DIAPH3: variants seen among roughly 807,000 people sequenced by gnomAD.
The protein encoded by DIAPH3 is protein diaphanous homolog 3.
A neutral mutation model predicts 144.3 loss-of-function variants in DIAPH3; 117 were observed. The observed-to-expected ratio is 0.81, with a 90% CI of 0.70 to 0.95. The LOEUF (loss-of-function observed/expected upper bound fraction) is 0.95, where lower values mean the gene tolerates loss of function less well. DIAPH3 is among the 40% of genes least tolerant of loss of function. DIAPH3 has a pLI of 0.00. For synonymous variants in DIAPH3, 519 were observed against 488.9 expected (o/e 1.06, Z -0.81); for missense variants, 1,421 against 1,412.7 (o/e 1.01, Z -0.09).
chr13:59,689,470 G>T (rs997477759), intron 27 of DIAPH3, among the ~76,000 whole-genome samples: 1 of 152,048 alleles, frequency 6.6e-6, no homozygotes, highest in African/African-American at 2.4e-5. Flanking sequence ...GCTCCTAATA[G>T]AGAATAAAAT....
chr13:59,830,153 G>A lies in DIAPH3; in HGVS notation c.3027+2954C>T, dbSNP rs116457234. On this transcript the variant is annotated intron_variant, in intron 24 of 27. Coordinates refer to ENST00000400324, the MANE Select transcript of DIAPH3 (RefSeq NM_001042517.2). ...CCTGATTTTCAAAGTTGAATAATAC[G>A]GAATTAAAGAGCAACCTAAGAGATC... is the stretch of plus-strand genomic sequence containing the variant. Among the ~76,000 whole-genome samples, 686 of 151,854 alleles carry A rather than the reference G, an allele frequency of 4.5e-3. 8 individuals are homozygous for A. Among genetic ancestry groups the A allele is most frequent in the African/African-American group, 0.014 (600 of 41,462 alleles).
At chr13:60,106,988 C>T (rs942775962) in intron 3 of DIAPH3, among the ~76,000 whole-genome samples, 3 of 152,064 alleles carry the variant, frequency 2.0e-5, no homozygotes, top group Non-Finnish European at 2.9e-5. Context: ...AAAAACATAA[C>T]TGAATGCAAC....
chr13:59,796,652 T>C (rs2039623421), intron 25 of DIAPH3, among the ~76,000 whole-genome samples: 1 of 152,248 alleles, frequency 6.6e-6, no homozygotes, highest in South Asian at 2.1e-4. Context: ...TCAGTAACTT[T>C]TTCTAAACAT....
intron 20 of DIAPH3, among the ~76,000 whole-genome samples, chr13:59,909,502 A>AC (rs1036985639): frequency 4.7e-4 from 71 of 152,328 alleles, no homozygotes; most frequent in African/African-American, 1.7e-3. Context: ...TTACTATTTG[A>AC]CAAAAAATAA....
intron 27 of DIAPH3, among the ~76,000 whole-genome samples, chr13:59,764,343 A>T (rs894619913): frequency 1.3e-5 from 2 of 151,560 alleles, no homozygotes; most frequent in Non-Finnish European, 2.9e-5. Context: ...CTCCTTTTCC[A>T]GTCCCATTTT....
chr13:59,818,266 T>C (rs1006872562), intron 24 of DIAPH3, among the ~76,000 whole-genome samples: 1 of 151,916 alleles, frequency 6.6e-6, no homozygotes, highest in Non-Finnish European at 1.5e-5. Flanking sequence ...CATAAGGATG[T>C]TGATGAAAAA....
At chr13:60,016,355 C>G (rs1316547323) in intron 5 of DIAPH3, among the ~76,000 whole-genome samples, 1 of 152,180 alleles carries the variant, frequency 6.6e-6, no homozygotes, top group African/African-American at 2.4e-5. Flanking sequence ...TCCGCTTGCA[C>G]AGGCTTGTAA....
intron 24 of DIAPH3, among the ~76,000 whole-genome samples, chr13:59,826,031 C>T (rs1176426044): frequency 2.6e-5 from 4 of 152,180 alleles, no homozygotes; most frequent in Middle Eastern, 3.4e-3. Flanking sequence ...GGACATATCT[C>T]AAAATAATAA....
At chr13:59,863,002 A>C (rs2043690077) in intron 21 of DIAPH3, among the ~76,000 whole-genome samples, 1 of 152,186 alleles carries the variant, frequency 6.6e-6, no homozygotes, top group Non-Finnish European at 1.5e-5. Flanking sequence ...TTAGTTGATC[A>C]AATTAACATA....
rs2046060052 is a variant in DIAPH3 at position 59,895,795 on chromosome 13, C to A, written c.2367+15940G>T. Among the ~76,000 whole-genome samples the A allele has an allele frequency of 2.0e-5, 3 of 152,226 alleles. No homozygotes were observed. In the South Asian group the frequency reaches 6.2e-4, roughly 32 times the overall value. On this transcript the variant is annotated intron_variant, in intron 20 of 27. Coordinates refer to ENST00000400324, the MANE Select transcript of DIAPH3 (RefSeq NM_001042517.2). ...TACTCAAGAGAAGTCAGTGGTCAGG[C>A]CACAAGAATAATGAGCCAGACGAGG... is the stretch of plus-strand genomic sequence containing the variant.
chr13:59,666,410 C>A lies in DIAPH3; in HGVS notation c.*174G>T. On this transcript the variant is annotated 3_prime_UTR_variant, in exon 28 of 28. Coordinates refer to ENST00000400324, the MANE Select transcript of DIAPH3 (RefSeq NM_001042517.2). Reference sequence around the variant, plus strand: ...CGGTACAATCTTGAATAAACCAAAACCTCCAGTACATAGAAAAAGCATTGC... The same window carrying A: ...CGGTACAATCTTGAATAAACCAAAAACTCCAGTACATAGAAAAAGCATTGC... 17 of 707,468 alleles carry A rather than the reference C, an allele frequency of 2.4e-5. No homozygotes were observed. Among genetic ancestry groups the A allele is most frequent in the East Asian group, 3.0e-5 (1 of 33,368 alleles). The allele number at this position is 707,468 out of a possible 1,614,324, so 43.8% of individuals were successfully genotyped here. A position where few individuals can be genotyped will look rare whatever the true frequency, so the allele number is the denominator to read the frequency against.
At chr13:59,746,552 A>G (rs898834138) in intron 27 of DIAPH3, among the ~76,000 whole-genome samples, 1 of 152,120 alleles carries the variant, frequency 6.6e-6, no homozygotes, top group Non-Finnish European at 1.5e-5. Context: ...GTCACCCTCA[A>G]GACTTTAACC....
chr13:59,895,430 G>GAAAAAAAAAAAAAAAAAAAAAAAAAAAA (rs529308484), intron 20 of DIAPH3, among the ~76,000 whole-genome samples: 1 of 75,944 alleles, frequency 1.3e-5, no homozygotes, highest in African/African-American at 5.1e-5. Context: ...AATGTTAAAG[G>GAAAAAAAAAAAAAAAAAAAAAAAAAAAA]AAAAAAAAAA....
chr13:59,888,767 G>T (rs1290241440), intron 20 of DIAPH3, among the ~76,000 whole-genome samples: 1 of 151,978 alleles, frequency 6.6e-6, no homozygotes, highest in African/African-American at 2.4e-5. Flanking sequence ...TGTAGGGTAG[G>T]AATTACTGTC....
At chr13:59,860,286 T>TA (rs1165390116) in intron 22 of DIAPH3, among the ~76,000 whole-genome samples, 1 of 151,538 alleles carries the variant, frequency 6.6e-6, no homozygotes, top group Admixed American at 6.6e-5. Flanking sequence ...AAAAAGAAAA[T>TA]AAAGAGGTTA....
chr13:59,873,397 G>A (rs1446422819), intron 21 of DIAPH3, among the ~76,000 whole-genome samples: 1 of 152,094 alleles, frequency 6.6e-6, no homozygotes, highest in African/African-American at 2.4e-5. Flanking sequence ...TCACAAAAAC[G>A]ACTCACAGTG....
intron 18 of DIAPH3, among the ~76,000 whole-genome samples, chr13:59,922,099 A>G (rs1041577231): frequency 3.3e-5 from 5 of 152,110 alleles, no homozygotes; most frequent in African/African-American, 1.2e-4. Context: ...TACAGCTATC[A>G]TCATAACAAA....
chr13:59,748,163 A>G (rs1272458517), intron 27 of DIAPH3, among the ~76,000 whole-genome samples: 1 of 152,144 alleles, frequency 6.6e-6, no homozygotes, highest in Non-Finnish European at 1.5e-5. Flanking sequence ...CTAAGTTTGA[A>G]TATTATGTAC....
rs75345039 is a variant in DIAPH3 at position 59,927,748 on chromosome 13, A to G, written c.2075-2878T>C. Among the ~76,000 whole-genome samples the G allele has an allele frequency of 4.5e-3, 690 of 152,264 alleles. 22 individuals are homozygous for G. The East Asian group carries it at 0.072, about 16-fold the overall frequency. ...GTAAATTTTCTGCTAAAAAAAATTG[A>G]TGTTGGTCTGATGGGCATTCTCTTA... is the stretch of plus-strand genomic sequence containing the variant. On this transcript the variant is annotated intron_variant, in intron 17 of 27. Coordinates refer to ENST00000400324, the MANE Select transcript of DIAPH3 (RefSeq NM_001042517.2).
Sources: gnomAD v4.1 joint callset for allele counts (sites outside exome capture counted in the v4.1 genomes callset) on GRCh38, gnomAD v4.1.1 for gene constraint, MANE v1.5 for transcripts, NCBI Gene and HGNC (gene_info 2026-07-23, HGNC 2026-07-21) for gene names.